Variants in POU2F1 observed in about 807,000 individuals in gnomAD.
POU2F1 encodes the protein POU domain, class 2, transcription factor 1.
In POU2F1, 16 loss-of-function variants were observed where a neutral mutation model predicts 84.9. The ratio of observed to expected loss-of-function variants is 0.19; its 90% confidence interval spans 0.13 to 0.29. The LOEUF (loss-of-function observed/expected upper bound fraction) is 0.29, where lower values mean the gene tolerates loss of function less well. POU2F1 is among the 10% of genes least tolerant of loss of function. The pLI is 1.00. For missense variants in POU2F1, 738 were observed against 942.6 expected (o/e 0.78, Z 2.84); for synonymous variants, 368 against 368.3 (o/e 1.00, Z 0.01).
At chr1:167,255,068 G>A (rs1651031214) in intron 1 of POU2F1, among the ~76,000 whole-genome samples, 1 of 152,310 alleles carries the variant, frequency 6.6e-6, no homozygotes, top group African/African-American at 2.4e-5. Flanking sequence ...ATTTGGTGTG[G>A]TGTAAGTTCA....
intron 1 of POU2F1, among the ~76,000 whole-genome samples, chr1:167,268,552 C>T (rs752147651): frequency 7.2e-5 from 11 of 152,248 alleles, no homozygotes; most frequent in Middle Eastern, 3.4e-3. Context: ...ACCAAAAGTG[C>T]ACCCTACATG....
At chr1:167,272,547 T>G (rs1302024436) in intron 1 of POU2F1, among the ~76,000 whole-genome samples, 1 of 152,046 alleles carries the variant, frequency 6.6e-6, no homozygotes, top group South Asian at 2.1e-4. Flanking sequence ...CTCAAGAAAC[T>G]TAGAATCATG....
chr1:167,254,546 T>C (rs2102413641), intron 1 of POU2F1, among the ~76,000 whole-genome samples: 1 of 152,354 alleles, frequency 6.6e-6, no homozygotes, highest in East Asian at 1.9e-4. Flanking sequence ...AAAATGTTCA[T>C]GCAAAAGGCA....
chr1:167,400,102 GC>G (rs1245483118), intron 12 of POU2F1, among the ~76,000 whole-genome samples: 3 of 146,582 alleles, frequency 2.0e-5, no homozygotes, highest in Non-Finnish European at 4.5e-5. Context: ...TCCTGCCTCA[GC>G]CTCCCAAAGT....
chr1:167,369,208 G>A (rs1487154727), intron 3 of POU2F1, among the ~76,000 whole-genome samples: 1 of 152,138 alleles, frequency 6.6e-6, no homozygotes, highest in Admixed American at 6.5e-5. Flanking sequence ...TTTTCATCAT[G>A]ATTAGATTCA....
chr1:167,237,229 A>G (rs914376522), intron 1 of POU2F1, among the ~76,000 whole-genome samples: 1 of 152,218 alleles, frequency 6.6e-6, no homozygotes, highest in Non-Finnish European at 1.5e-5. Context: ...GAGAGAGGCT[A>G]TCTAACGAGA....
intron 6 of POU2F1, among the ~76,000 whole-genome samples, chr1:167,375,481 A>G (rs983025436): frequency 2.6e-5 from 4 of 152,192 alleles, no homozygotes; most frequent in African/African-American, 9.6e-5. Context: ...TTAGGGATTA[A>G]ATTTTTATAT....
intron 9 of POU2F1, among the ~76,000 whole-genome samples, chr1:167,392,179 G>A (rs978131067): frequency 5.9e-5 from 9 of 151,910 alleles, no homozygotes; most frequent in African/African-American, 1.7e-4. Context: ...GCGAAACCCC[G>A]TCTCTACTAA....
chr1:167,239,493 C>T (rs920564124), intron 1 of POU2F1, among the ~76,000 whole-genome samples: 1 of 152,184 alleles, frequency 6.6e-6, no homozygotes, highest in Non-Finnish European at 1.5e-5. Context: ...CACAGGTATA[C>T]ATACACATTG....
chr1:167,349,584 T>C (rs575891796), intron 2 of POU2F1, among the ~76,000 whole-genome samples: 11 of 152,340 alleles, frequency 7.2e-5, no homozygotes, highest in African/African-American at 2.6e-4. Context: ...TACGTATTTT[T>C]TGAATGAATT....
At chr1:167,233,459 A>G (rs1649217852) in intron 1 of POU2F1, among the ~76,000 whole-genome samples, 1 of 152,140 alleles carries the variant, frequency 6.6e-6, no homozygotes, top group Non-Finnish European at 1.5e-5. Context: ...AAATACACAA[A>G]TACTTACCAT....
Position 167,257,865 on chromosome 1 carries a change from C to T in POU2F1, c.61+36907C>T, listed in dbSNP as rs543237840. 1.1e-3 allele frequency: 160 copies of T among 151,922 alleles called. 2 individuals carry two copies. The highest frequency in any genetic ancestry group is 3.6e-3 in the African/African-American group (150 of 41,396). 9.4% of individuals were successfully genotyped at this position (151,922 alleles called of 1,614,324 possible). ...TTATGGCTCAGTTCACCCTCAACCT[C>T]CTGAGGTCAAGTGATTCTTCCTCCT... On this transcript the variant is annotated intron_variant, in intron 1 of 15. Coordinates refer to ENST00000367866, the MANE Select transcript of POU2F1 (RefSeq NM_002697.4).
intron 12 of POU2F1, among the ~76,000 whole-genome samples, chr1:167,399,863 C>T (rs914869423): frequency 2.0e-5 from 3 of 150,878 alleles, no homozygotes; most frequent in East Asian, 3.9e-4. Flanking sequence ...TTAGCAGAAG[C>T]AGGGTTTCAC....
intron 2 of POU2F1, among the ~76,000 whole-genome samples, chr1:167,347,345 C>G (rs1383657200): frequency 6.6e-6 from 1 of 152,156 alleles, no homozygotes; most frequent in African/African-American, 2.4e-5. Flanking sequence ...CAAAATTTCT[C>G]AGGCCCTTAT....
chr1:167,260,825 GT>G (rs1651507562), intron 1 of POU2F1, among the ~76,000 whole-genome samples: 1 of 152,098 alleles, frequency 6.6e-6, no homozygotes, highest in Non-Finnish European at 1.5e-5. Context: ...GTAGGTAGCA[GT>G]TTTTGGGTTG....
chr1:167,224,989 C>T (rs954352721), intron 1 of POU2F1, among the ~76,000 whole-genome samples: 25 of 152,008 alleles, frequency 1.6e-4, no homozygotes, highest in African/African-American at 5.6e-4. Context: ...CCATGACGCC[C>T]GGCTAATTTT....
At chr1:167,338,964 A>G (rs904995471) in intron 2 of POU2F1, among the ~76,000 whole-genome samples, 6 of 152,148 alleles carry the variant, frequency 3.9e-5, no homozygotes, top group Non-Finnish European at 8.8e-5. Context: ...CAGAATACAA[A>G]CTTATTATCT....
At chr1:167,276,240 A>T (rs995206923) in intron 1 of POU2F1, among the ~76,000 whole-genome samples, 1 of 152,216 alleles carries the variant, frequency 6.6e-6, no homozygotes, top group Non-Finnish European at 1.5e-5. Flanking sequence ...TGCTGTATAC[A>T]CTACCTGCCT....
At chr1:167,343,186 A>G (rs1657971341) in intron 2 of POU2F1, among the ~76,000 whole-genome samples, 1 of 152,128 alleles carries the variant, frequency 6.6e-6, no homozygotes, top group African/African-American at 2.4e-5. Context: ...AGGGCGCTAT[A>G]ATTACTGAAG....
Sources: gnomAD v4.1 joint callset for allele counts (sites outside exome capture counted in the v4.1 genomes callset) on GRCh38, gnomAD v4.1.1 for gene constraint, MANE v1.5 for transcripts, NCBI Gene and HGNC (gene_info 2026-07-23, HGNC 2026-07-21) for gene names.